USPL1: variants seen among roughly 807,000 people sequenced by gnomAD.
The protein encoded by USPL1 is ubiquitin specific peptidase like 1.
USPL1 carries 27 observed loss-of-function variants against 51.5 expected under a neutral mutation model. The ratio of observed to expected loss-of-function variants is 0.52; its 90% CI spans 0.39 to 0.72. The LOEUF is 0.72. USPL1 is among the 30% of genes least tolerant of loss of function. The probability of loss-of-function intolerance (pLI) is 0.00; values close to 1 mark genes in which losing one functional copy is unlikely to be tolerated. For synonymous variants in USPL1, 451 were observed against 459.6 expected (o/e 0.98, Z 0.24); for missense variants, 1,226 against 1,268.0 (o/e 0.97, Z 0.50).
At chr13:30,630,117 C>T (rs1007665143) in intron 3 of USPL1, among the ~76,000 whole-genome samples, 62 of 152,056 alleles carry the variant, frequency 4.1e-4, no homozygotes, top group African/African-American at 1.3e-3. Context: ...GCTGGGAATA[C>T]GGGAGTGTAC....
chr13:30,631,379 T>A lies in USPL1; in HGVS notation c.773T>A (p.Leu258Gln). ...GAGTTAAAGAACACCGTGACTGGAC[T>A]GTGCTCGAAGGAGGAATCTATATTC... ...SEELKNTVTGLCSKEESIFWR... is the reference protein window; with the variant it reads ...SEELKNTVTGQCSKEESIFWR... The change falls in exon 4 of 9, where the codon CTG becomes CAG. Residue 258 changes from leucine (L) to glutamine (Q), a missense_variant. Coordinates refer to ENST00000255304, the MANE Select transcript of USPL1 (RefSeq NM_005800.5). The A allele has an allele frequency of 6.2e-7, 1 of 1,614,224 alleles. No individual in the cohort carries two copies.
chr13:30,643,600 AC>A lies in USPL1; in HGVS notation c.1112+852del, dbSNP rs1321714510. Among the ~76,000 whole-genome samples, 58 of 45,474 alleles carry A rather than the reference AC, an allele frequency of 1.3e-3. 1 individual carries two copies. In the East Asian group the frequency reaches 0.014, roughly 11 times the overall value. The allele number at this position is 45,474 out of a possible 152,430, so 29.8% of individuals were successfully genotyped here. ...TATTACAATAGAAATAACTCTTTCC[AC>A]CCCCCCCCGCCCTTTTTTTTTTTTT... On this transcript the variant is annotated intron_variant, in intron 6 of 8. Coordinates refer to ENST00000255304, the MANE Select transcript of USPL1 (RefSeq NM_005800.5).
chr13:30,656,129 T>C (rs531226104), intron 8 of USPL1, among the ~76,000 whole-genome samples: 1 of 152,344 alleles, frequency 6.6e-6, no homozygotes, highest in African/African-American at 2.4e-5. Context: ...TAAAGAAATA[T>C]ACCCTCCCTT....
At chr13:30,648,096 G>A (rs1183794663) in intron 7 of USPL1, among the ~76,000 whole-genome samples, 4 of 152,088 alleles carry the variant, frequency 2.6e-5, no homozygotes, top group South Asian at 4.1e-4. Flanking sequence ...ATGCAATTGC[G>A]TATTTGGCTA....
rs972805534 is a variant in USPL1 at position 30,630,753 on chromosome 13, A to G, written c.229-82A>G. 19 of 1,378,410 alleles carry G rather than the reference A, an allele frequency of 1.4e-5. No homozygotes were observed. In the African/African-American group the frequency reaches 2.0e-4, roughly 15 times the overall value. 85.4% of individuals were successfully genotyped at this position (1,378,410 alleles called of 1,614,324 possible). On this transcript the variant is annotated intron_variant, in intron 3 of 8. Transcript: ENST00000255304. ...TCAAATCAATGCTAACATTCTATAC[A>G]TGTTTTTCATGATATGAAAACTATA...
At chr13:30,622,786 A>T (rs1950661561) in intron 3 of USPL1, among the ~76,000 whole-genome samples, 1 of 152,214 alleles carries the variant, frequency 6.6e-6, no homozygotes, top group Non-Finnish European at 1.5e-5. Flanking sequence ...CAGGTTTGGA[A>T]AATACTAGAC....
At chr13:30,618,983 C>T (rs1479279241) in intron 1 of USPL1, among the ~76,000 whole-genome samples, 1 of 152,028 alleles carries the variant, frequency 6.6e-6, no homozygotes, top group Non-Finnish European at 1.5e-5. Context: ...GATTTGAGAC[C>T]TTTCCAAAGA....
chr13:30,652,541 T>C (rs1951103978), intron 7 of USPL1, among the ~76,000 whole-genome samples: 3 of 152,256 alleles, frequency 2.0e-5, no homozygotes, highest in Admixed American at 2.0e-4. Context: ...AAATACAATT[T>C]TGAAATTATA....
chr13:30,656,141 A>T (rs6490476), intron 8 of USPL1, among the ~76,000 whole-genome samples: 1 of 151,892 alleles, frequency 6.6e-6, no homozygotes, highest in East Asian at 1.9e-4. Flanking sequence ...CCCTCCCTTA[A>T]CCCCACACCA....
chr13:30,650,100 C>T (rs1344760195), intron 7 of USPL1, among the ~76,000 whole-genome samples: 1 of 152,096 alleles, frequency 6.6e-6, no homozygotes, highest in East Asian at 1.9e-4. Flanking sequence ...TCAGGTAATC[C>T]ACCTGCCTTG....
intron 3 of USPL1, among the ~76,000 whole-genome samples, chr13:30,622,861 G>A (rs908952661): frequency 2.0e-5 from 3 of 150,576 alleles, no homozygotes; most frequent in South Asian, 2.1e-4. Flanking sequence ...AATCCCAGGC[G>A]TGTCTACAAA....
intron 2 of USPL1, 139 bp downstream of exon 2, chr13:30,621,378 A>G: frequency 1.6e-6 from 1 of 619,828 alleles, no homozygotes; most frequent in Non-Finnish European, 2.7e-6. Context: ...ATGGCGAAAG[A>G]TTGTTTTAAT....
At position 30,654,257 on chromosome 13, in the gene USPL1, G is replaced by T. The variant is rs574429042; in HGVS notation, c.1396+952G>T. 7.2e-5 allele frequency among the ~76,000 whole-genome samples: 11 copies of T among 152,284 alleles called. No homozygotes were observed. In the South Asian group the frequency reaches 1.9e-3, roughly 26 times the overall value. ...GGCTGTACCCTAGACCAGCCTTGGG[G>T]ATTAGGCCCAAATATCAATGTTGGG... On this transcript the variant is annotated intron_variant, in intron 8 of 8. Coordinates refer to ENST00000255304, the MANE Select transcript of USPL1 (RefSeq NM_005800.5).
At chr13:30,622,901 ATTTT>A (rs1253669805) in intron 3 of USPL1, among the ~76,000 whole-genome samples, 4 of 152,074 alleles carry the variant, frequency 2.6e-5, no homozygotes, top group African/African-American at 9.7e-5. Flanking sequence ...ATATTCAGTA[ATTTT>A]TTTTATGAGT....
At chr13:30,650,475 G>GCT (rs1402101104) in intron 7 of USPL1, among the ~76,000 whole-genome samples, 3 of 151,694 alleles carry the variant, frequency 2.0e-5, no homozygotes, top group Non-Finnish European at 2.9e-5. Flanking sequence ...TACTCAGGAG[G>GCT]CTGAGACATT....
At position 30,638,639 on chromosome 13, in the gene USPL1, T is replaced by G. The variant is rs1470204552; in HGVS notation, c.982+782T>G. On this transcript the variant is annotated intron_variant, in intron 5 of 8. Coordinates refer to ENST00000255304, the MANE Select transcript of USPL1 (RefSeq NM_005800.5). ...AAAGGGCTTTTTGTTTTATTTTTCT[T>G]GTATCCTTGTATTAACTCTTCTATT... Among the ~76,000 whole-genome samples the G allele has an allele frequency of 2.0e-5, 3 of 152,154 alleles. No homozygotes were observed. The East Asian group carries it at 5.8e-4, about 29-fold the overall frequency.
At position 30,659,339 on chromosome 13, in the gene USPL1, C is replaced by G. The variant is rs1951223899; in HGVS notation, c.3262C>G (p.Leu1088Val). The G allele has an allele frequency of 6.3e-7, 1 of 1,593,864 alleles. No homozygotes were observed. The highest frequency in any genetic ancestry group is 8.5e-7 in the Non-Finnish European group (1 of 1,170,854). The change falls in exon 9 of 9, where the codon CTG (leucine) becomes GTG (valine). Residue 1088 changes from leucine to valine, a missense_variant. By Grantham distance (32) the Leu-to-Val change is conservative. Coordinates refer to ENST00000255304, the MANE Select transcript of USPL1 (RefSeq NM_005800.5). ...TLDLPHFDEY[L>V]FENY ...AGACCTACCTCATTTCGATGAATAT[C>G]TGTTTGAGAATTATTGAATTAATGC...
chr13:30,657,040 T>G (rs1253747344), intron 8 of USPL1, among the ~76,000 whole-genome samples: 3 of 152,178 alleles, frequency 2.0e-5, no homozygotes, highest in African/African-American at 7.2e-5. Flanking sequence ...TTTCCCAAGT[T>G]TTGTATTAAT....
At chr13:30,649,857 T>C (rs1048627328) in intron 7 of USPL1, among the ~76,000 whole-genome samples, 4 of 152,226 alleles carry the variant, frequency 2.6e-5, no homozygotes, top group African/African-American at 9.7e-5. Flanking sequence ...TTCAAATGGA[T>C]CTTAGCCTGA....
Sources: gnomAD v4.1 joint callset for allele counts (sites outside exome capture counted in the v4.1 genomes callset) on GRCh38, gnomAD v4.1.1 for gene constraint, MANE v1.5 for transcripts, NCBI Gene and HGNC (gene_info 2026-07-23, HGNC 2026-07-21) for gene names.